Variants in SLC6A6 observed in about 807,000 individuals in gnomAD.
SLC6A6 encodes the protein sodium- and chloride-dependent taurine transporter.
SLC6A6 carries 16 observed loss-of-function variants against 68.8 expected under a neutral mutation model. The observed-to-expected ratio is 0.23, with a 90% CI of 0.16 to 0.35. The LOEUF (loss-of-function observed/expected upper bound fraction) is 0.35, where lower values mean the gene tolerates loss of function less well. Ranked by LOEUF, SLC6A6 falls within the 10% of genes least tolerant of loss-of-function variation. The pLI is 1.00. For synonymous variants in SLC6A6, 312 were observed against 315.4 expected (o/e 0.99, Z 0.12); for missense variants, 474 against 802.8 (o/e 0.59, Z 4.95).
rs188329376 is a variant in SLC6A6, at chr3:14,464,353, G to A, written c.733-2163G>A. Among the ~76,000 whole-genome samples, 20 of 152,322 alleles carry A rather than the reference G, an allele frequency of 1.3e-4. No individual in the cohort carries two copies. In the East Asian group the frequency reaches 3.9e-3, roughly 29 times the overall value. Reference sequence around the variant, plus strand: ...TAAGCCCACGTGACCCTGGGCAAGTGATGGACTCTCTCTGGGCCTCAGTTT... The same window carrying A: ...TAAGCCCACGTGACCCTGGGCAAGTAATGGACTCTCTCTGGGCCTCAGTTT... On this transcript the variant is annotated intron_variant, in intron 6 of 14. Transcript: ENST00000622186.
At position 14,481,248 on chromosome 3, in the gene SLC6A6, G is replaced by C. The variant is rs1701000084; in HGVS notation, c.1552-423G>C. ...ACCCAGTGGAGCCAAGTTAGGATGA[G>C]AAGATGTGGGGGAAAGAGGGCCAGG... is the stretch of plus-strand genomic sequence containing the variant. On this transcript the variant is annotated intron_variant, in intron 13 of 14. Transcript: ENST00000622186. The surrounding 1 kb of genome is among the most constrained non-coding windows in gnomAD (Gnocchi z 4.7). 6.6e-6 allele frequency among the ~76,000 whole-genome samples: 1 copy of C among 152,112 alleles called. No homozygotes were observed. Among genetic ancestry groups the C allele is most frequent in the Non-Finnish European group, 1.5e-5 (1 of 68,016 alleles).
intron 6 of SLC6A6, among the ~76,000 whole-genome samples, chr3:14,465,642 C>G (rs1304531383): frequency 6.6e-6 from 1 of 152,214 alleles, no homozygotes; most frequent in Admixed American, 6.5e-5. Flanking sequence ...TAAGATCACA[C>G]AGCAAATGAG....
chr3:14,450,907 GAA>G lies in SLC6A6; in HGVS notation c.599+3093_599+3094del, dbSNP rs34811710. 0.21 allele frequency among the ~76,000 whole-genome samples: 32,232 copies of G among 152,184 alleles called. 3,842 individuals carry two copies. The highest frequency in any genetic ancestry group is 0.29 in the African/African-American group (12,085 of 41,470). On this transcript the variant is annotated intron_variant, in intron 5 of 14. Transcript: ENST00000622186. The surrounding 1 kb of genome is among the most constrained non-coding windows in gnomAD (Gnocchi z 4.1). ...CATTTCTTTCAGTCTCTAAGTAGAG[GAA>G]ATAGCTAGGCATCATCCAAAACTCT...
chr3:14,420,168 C>CA (rs1380705981), intron 2 of SLC6A6, among the ~76,000 whole-genome samples: 1 of 152,244 alleles, frequency 6.6e-6, no homozygotes, highest in Non-Finnish European at 1.5e-5. Context: ...CACAGTGGCT[C>CA]ACGCCTGTAA....
chr3:14,432,003 A>T (rs920343145), intron 2 of SLC6A6, among the ~76,000 whole-genome samples: 1 of 152,156 alleles, frequency 6.6e-6, no homozygotes, highest in African/African-American at 2.4e-5. Flanking sequence ...TGTACAGCAG[A>T]GCGCCCTGAC....
intron 2 of SLC6A6, among the ~76,000 whole-genome samples, chr3:14,431,085 G>A (rs1699713697): frequency 1.9e-5 from 1 of 52,534 alleles, no homozygotes; most frequent in South Asian, 8.3e-4. Context: ...CTCAGGAATG[G>A]ACATCGTTTA....
At chr3:14,434,273 G>A (rs1276568201) in intron 2 of SLC6A6, among the ~76,000 whole-genome samples, 4 of 152,206 alleles carry the variant, frequency 2.6e-5, no homozygotes, top group Non-Finnish European at 5.9e-5. Context: ...GTAAGTGAGT[G>A]AGTTGGTGTC....
intron 1 of SLC6A6, among the ~76,000 whole-genome samples, chr3:14,408,267 A>G (rs1699154811): frequency 6.6e-6 from 1 of 152,164 alleles, no homozygotes; most frequent in Admixed American, 6.5e-5. Context: ...ATCCTTTCGG[A>G]TCATTATAAA....
chr3:14,462,769 C>T (rs1052911987), intron 6 of SLC6A6, among the ~76,000 whole-genome samples: 1 of 152,126 alleles, frequency 6.6e-6, no homozygotes, highest in Non-Finnish European at 1.5e-5. Context: ...CACGATGTCT[C>T]TCAGCAAATC....
rs190204554 is a variant in SLC6A6, at chr3:14,450,106, C to T, written c.599+2290C>T. 6.6e-6 allele frequency among the ~76,000 whole-genome samples: 1 copy of T among 152,248 alleles called. No individual in the cohort carries two copies. The highest frequency in any genetic ancestry group is 1.9e-4 in the East Asian group (1 of 5,172). ...TAGTGCATAAAACTACCCCTCAGGG[C>T]AGTTTCTTTGTGTGTTATGAACTTA... On this transcript the variant is annotated intron_variant, in intron 5 of 14. Coordinates refer to ENST00000622186, the MANE Select transcript of SLC6A6 (RefSeq NM_003043.6). The surrounding 1 kb of genome is among the most constrained non-coding windows in gnomAD (Gnocchi z 4.1).
chr3:14,466,816 G>A (rs1032832713), intron 7 of SLC6A6, among the ~76,000 whole-genome samples, 166 bp downstream of exon 7: 1 of 152,200 alleles, frequency 6.6e-6, no homozygotes, highest in African/African-American at 2.4e-5. Flanking sequence ...GCCTGTGGCG[G>A]GTGTGCCTGT....
In SLC6A6 at chr3:14,468,026, G is replaced by A. The variant is rs1700661772; in HGVS notation, c.972-62G>A. The A allele has an allele frequency of 5.0e-6, 8 of 1,611,832 alleles. No homozygotes were observed. Among genetic ancestry groups the A allele is most frequent in the Non-Finnish European group, 6.8e-6 (8 of 1,178,102 alleles). ...TGATGATGTTTAAAGAAAAAGAGAA[G>A]TAGGGAGCGTGGCTTCCTTGTGTTG... On this transcript the variant is annotated intron_variant, in intron 8 of 14. Transcript: ENST00000622186. The surrounding 1 kb of genome is among the most constrained non-coding windows in gnomAD (Gnocchi z 4.5).
chr3:14,483,259 AGTC>A (rs1701051839), intron 14 of SLC6A6, among the ~76,000 whole-genome samples: 1 of 152,194 alleles, frequency 6.6e-6, no homozygotes, highest in African/African-American at 2.4e-5. Flanking sequence ...CTCCTGTGCC[AGTC>A]TGACTTCACC....
intron 2 of SLC6A6, among the ~76,000 whole-genome samples, chr3:14,434,391 TG>T: frequency 6.6e-6 from 1 of 152,238 alleles, no homozygotes; most frequent in Non-Finnish European, 1.5e-5. Flanking sequence ...TTCTGTGTGC[TG>T]GGCACTGTCA....
In SLC6A6 at chr3:14,466,512, G is replaced by A; in HGVS notation, c.733-4G>A. ...GGCCTCCTGAATCCCTCTCGCCCTTGCAGGTCGTCTACTTCACAGCCACTT... is the reference window on the plus strand; with the variant it reads ...GGCCTCCTGAATCCCTCTCGCCCTTACAGGTCGTCTACTTCACAGCCACTT... On this transcript the variant is annotated splice_region_variant and splice_polypyrimidine_tract_variant and intron_variant, in intron 6 of 14. Coordinates refer to ENST00000622186, the MANE Select transcript of SLC6A6 (RefSeq NM_003043.6). 1 of 1,609,482 alleles carries A rather than the reference G, an allele frequency of 6.2e-7. No individual in the cohort carries two copies. The highest frequency in any genetic ancestry group is 1.1e-5 in the South Asian group (1 of 90,848).
intron 10 of SLC6A6, among the ~76,000 whole-genome samples, chr3:14,475,196 T>G (rs907600611): frequency 6.6e-6 from 1 of 151,782 alleles, no homozygotes; most frequent in Non-Finnish European, 1.5e-5. Context: ...CATACCTGGC[T>G]AATTTTTTTT....
rs370458733 is a variant in SLC6A6, at chr3:14,443,882, A to G, written c.229+19A>G. 3 of 1,560,256 alleles carry G rather than the reference A, an allele frequency of 1.9e-6. No homozygotes were observed. Among genetic ancestry groups the G allele is most frequent in the Non-Finnish European group, 1.8e-6 (2 of 1,130,988 alleles). Reference sequence around the variant, plus strand: ...GGTGGAGGTGAGCTTGGGCCGGGCCACAGGGGAGCCCATCCAGTACAAAGC... The same window carrying G: ...GGTGGAGGTGAGCTTGGGCCGGGCCGCAGGGGAGCCCATCCAGTACAAAGC... On this transcript the variant is annotated intron_variant, in intron 3 of 14. Coordinates refer to ENST00000622186, the MANE Select transcript of SLC6A6 (RefSeq NM_003043.6).
At chr3:14,456,088 A>G (rs964971643) in intron 5 of SLC6A6, among the ~76,000 whole-genome samples, 1 of 152,228 alleles carries the variant, frequency 6.6e-6, no homozygotes, top group Admixed American at 6.5e-5. Context: ...CTCTGTGACC[A>G]TGGGCAAGTG....
chr3:14,471,816 C>G (rs1700758256), intron 9 of SLC6A6, among the ~76,000 whole-genome samples: 1 of 152,210 alleles, frequency 6.6e-6, no homozygotes, highest in Non-Finnish European at 1.5e-5. Flanking sequence ...AGGTCACCAC[C>G]ACGCTCCCCC....
Sources: allele counts gnomAD v4.1 joint callset (sites outside exome capture counted in the v4.1 genomes callset), GRCh38; gene constraint gnomAD v4.1.1; non-coding constraint Gnocchi (gnomAD v3.1); transcripts MANE v1.5; gene names NCBI Gene and HGNC (gene_info 2026-07-23, HGNC 2026-07-21).